The following FAM110A variants were observed in gnomAD, a reference collection of about 807,000 sequenced individuals.
FAM110A encodes the protein family with sequence similarity 110 member A.
A neutral mutation model predicts 4.0 loss-of-function variants in FAM110A; 1 was observed. The ratio of observed to expected loss-of-function variants is 0.25; its 90% CI spans 0.09 to 1.20. FAM110A has a LOEUF of 1.20. Among genes scored for constraint, FAM110A ranks in the 50% most tolerant of loss-of-function variants. The probability of loss-of-function intolerance (pLI) is 0.50; values close to 1 mark genes in which losing one functional copy is unlikely to be tolerated. For synonymous variants in FAM110A, 217 were observed against 196.8 expected, an observed-to-expected ratio of 1.10 and a Z score of -0.86; for missense variants, 436 against 429.2, an observed-to-expected ratio of 1.02 and a Z score of -0.14.
chr20:843,999 G>A (rs184225012), intron 1 of FAM110A, among the ~76,000 whole-genome samples: 5 of 152,348 alleles, frequency 3.3e-5, no homozygotes, highest in Admixed American at 3.3e-4. Flanking sequence ...GGAAGCTGAC[G>A]GATGTCTGGA....
chr20:839,194 G>T (rs1258454879), intron 1 of FAM110A, among the ~76,000 whole-genome samples: 2 of 152,094 alleles, frequency 1.3e-5, no homozygotes, highest in African/African-American at 2.4e-5. Context: ...GTGAGCCTGG[G>T]TTCCAATCCT....
At chr20:837,060 T>G (rs1006129036) in intron 1 of FAM110A, among the ~76,000 whole-genome samples, 4 of 144,366 alleles carry the variant, frequency 2.8e-5, no homozygotes, top group African/African-American at 7.7e-5. Flanking sequence ...TTTTTTTTTT[T>G]TTTTTTTTTG....
chr20:844,939 C>T lies in FAM110A; in HGVS notation c.135C>T (p.Arg45=), dbSNP rs1251787394. The T allele has an allele frequency of 6.3e-7, 1 of 1,586,188 alleles. No individual in the cohort carries two copies. Among genetic ancestry groups the T allele is most frequent in the Non-Finnish European group, 8.6e-7 (1 of 1,167,180 alleles). Residue 45 remains arginine (R), a synonymous_variant, in exon 2 of 2, where the codon CGC becomes CGT. Coordinates refer to ENST00000381941, the MANE Select transcript of FAM110A (RefSeq NM_001042353.3). ...GGARKPSAVE[R]LEADKAKYVK... is the part of the protein sequence containing the mutation. ...CCCGGAAACCGAGCGCTGTGGAGCG[C>T]CTGGAGGCCGACAAGGCCAAGTACG... is the stretch of plus-strand genomic sequence containing the variant.
At position 845,606 on chromosome 20, in the gene FAM110A, G is replaced by A. The variant is rs772603265; in HGVS notation, c.802G>A (p.Val268Met). ...GGCCCGGGAGCGCGTTCCCTATGGC[G>A]TGTCGGTGGTGGAGCGCAATGCCCG... is the stretch of plus-strand genomic sequence containing the variant. ...ERARERVPYG[V>M]SVVERNARVI... The change falls in exon 2 of 2, where the codon GTG becomes ATG. Residue 268 changes from valine (V) to methionine (M), a missense_variant. Val to Met is a conservative substitution (Grantham distance 21). Coordinates refer to ENST00000381941, the MANE Select transcript of FAM110A (RefSeq NM_001042353.3). The A allele has an allele frequency of 1.1e-5, 17 of 1,613,990 alleles. No homozygotes were observed. The highest frequency in any genetic ancestry group is 1.4e-5 in the Non-Finnish European group (17 of 1,180,042).
rs1979819771 is a variant in FAM110A, at chr20:840,342, A to C, written c.-97-4366A>C. Among the ~76,000 whole-genome samples, 1 of 151,686 alleles carries C rather than the reference A, an allele frequency of 6.6e-6. No homozygotes were observed. Among genetic ancestry groups the C allele is most frequent in the Non-Finnish European group, 1.5e-5 (1 of 67,886 alleles). On this transcript the variant is annotated intron_variant, in intron 1 of 1. Transcript: ENST00000381941. The surrounding 1 kb of genome is among the most constrained non-coding windows in gnomAD (Gnocchi z 4.4). Reference sequence around the variant, plus strand: ...AGCCTCTTCAGCCTGAGTGTGGCAGAGGGCTGGGGCTGAGGCCTGGGGGAC... The same window carrying C: ...AGCCTCTTCAGCCTGAGTGTGGCAGCGGGCTGGGGCTGAGGCCTGGGGGAC...
chr20:839,796 T>C, intron 1 of FAM110A: 1 of 1,558,726 alleles, frequency 6.4e-7, no homozygotes, highest in Non-Finnish European at 8.8e-7. Flanking sequence ...CCAGGCAAAC[T>C]GTTCCTTCAC....
chr20:841,342 GCCCAGCCGGGGTA>G (rs1979892740), intron 1 of FAM110A: 1 of 152,446 alleles, frequency 6.6e-6, no homozygotes, highest in Non-Finnish European at 1.5e-5. Context: ...GGCGGGGGGC[GCCCAGCCGGGGTA>G]GGGGGCGGCC....
At chr20:837,236 A>G (rs1013654188) in intron 1 of FAM110A, among the ~76,000 whole-genome samples, 1 of 151,862 alleles carries the variant, frequency 6.6e-6, no homozygotes, top group African/African-American at 2.4e-5. Context: ...TATTTTTAGT[A>G]GAGACGGGGT....
At chr20:842,383 G>C (rs1005553991) in intron 1 of FAM110A, among the ~76,000 whole-genome samples, 2 of 152,208 alleles carry the variant, frequency 1.3e-5, no homozygotes, top group Non-Finnish European at 2.9e-5. Context: ...CTCTTTATCC[G>C]GATGGTGCCC....
rs1422553490 is a variant in FAM110A at position 834,698 on chromosome 20, T to G, written c.-98+747T>G. Reference sequence around the variant, plus strand: ...CGGAGGTTCTAAGAAGTTAAGCCCCTTTTCGAAGTCACAGTCAGACAATGC... The same window carrying G: ...CGGAGGTTCTAAGAAGTTAAGCCCCGTTTCGAAGTCACAGTCAGACAATGC... On this transcript the variant is annotated intron_variant, in intron 1 of 1. Coordinates refer to ENST00000381941, the MANE Select transcript of FAM110A (RefSeq NM_001042353.3). This position sits in a 1 kb window ranked among gnomAD's most constrained non-coding sequence, Gnocchi z 5.6. Among the ~76,000 whole-genome samples the G allele has an allele frequency of 6.6e-6, 1 of 152,186 alleles. No individual in the cohort carries two copies. The highest frequency in any genetic ancestry group is 1.5e-5 in the Non-Finnish European group (1 of 68,040).
intron 1 of FAM110A, among the ~76,000 whole-genome samples, chr20:844,316 C>T (rs1032281836): frequency 3.9e-5 from 6 of 152,354 alleles, no homozygotes; most frequent in African/African-American, 1.4e-4. Flanking sequence ...GCTTCAGTTT[C>T]TCCATCCAAA....
chr20:844,785 C>T lies in FAM110A; in HGVS notation c.-20C>T, dbSNP rs1447765336. On this transcript the variant is annotated 5_prime_UTR_variant, in exon 2 of 2. Transcript: ENST00000381941. ...CTCTCCGGTCTCCGCAGACTAAAGCCCTCGGGATATGCAGCAGCCATGCCT... is the reference window on the plus strand; with the variant it reads ...CTCTCCGGTCTCCGCAGACTAAAGCTCTCGGGATATGCAGCAGCCATGCCT... 4.9e-6 allele frequency: 7 copies of T among 1,437,386 alleles called. No individual in the cohort carries two copies. Among genetic ancestry groups the T allele is most frequent in the Admixed American group, 2.8e-5 (1 of 35,130 alleles). 89.0% of individuals were successfully genotyped at this position (1,437,386 alleles called of 1,614,324 possible).
chr20:839,924 C>G, intron 1 of FAM110A: 1 of 1,579,470 alleles, frequency 6.3e-7, no homozygotes, highest in African/African-American at 1.3e-5. Context: ...CCATGACTCC[C>G]TCCTTAAAAA....
At chr20:844,676 T>C (rs75434277) in intron 1 of FAM110A, 32 bp from the exon 2 acceptor site, 754 of 274,562 alleles carry the variant, frequency 2.7e-3, no homozygotes, top group Non-Finnish European at 3.7e-3. Flanking sequence ...CGCGCTCGGC[T>C]TTTTTTTTTT....
chr20:835,186 C>A (rs866485447), intron 1 of FAM110A, among the ~76,000 whole-genome samples: 1 of 136,196 alleles, frequency 7.3e-6, no homozygotes, highest in African/African-American at 2.7e-5. Context: ...CTCTCTCTCT[C>A]TCTCTCTCTC....
Position 840,837 on chromosome 20 carries a change from C to T in FAM110A, c.-97-3871C>T, listed in dbSNP as rs2122674711. Among the ~76,000 whole-genome samples, 1 of 152,324 alleles carries T rather than the reference C, an allele frequency of 6.6e-6. No homozygotes were observed. Among genetic ancestry groups the T allele is most frequent in the South Asian group, 2.1e-4 (1 of 4,830 alleles). On this transcript the variant is annotated intron_variant, in intron 1 of 1. Transcript: ENST00000381941. The surrounding 1 kb of genome is among the most constrained non-coding windows in gnomAD (Gnocchi z 4.4). ...TCAGCCTCTCTCAGCCTCAGTTTAC[C>T]ATTAGTCAAATGGGGTAACAATAGA... is the stretch of plus-strand genomic sequence containing the variant.
intron 1 of FAM110A, chr20:839,758 C>T (rs1336330855): frequency 1.5e-5 from 22 of 1,427,602 alleles, no homozygotes; most frequent in East Asian, 2.3e-5. Context: ...TGGCTACCCT[C>T]ATTGGTAAGG....
Position 845,845 on chromosome 20 carries a change from C to T in FAM110A, c.*153C>T. 1 of 1,442,090 alleles carries T rather than the reference C, an allele frequency of 6.9e-7. No individual in the cohort carries two copies. Among genetic ancestry groups the T allele is most frequent in the Non-Finnish European group, 9.2e-7 (1 of 1,089,218 alleles). The allele number at this position is 1,442,090 out of a possible 1,614,324, so 89.3% of individuals were successfully genotyped here. On this transcript the variant is annotated 3_prime_UTR_variant, in exon 2 of 2. Coordinates refer to ENST00000381941, the MANE Select transcript of FAM110A (RefSeq NM_001042353.3). ...GGCAAAGGCTTAGAGGCTGGACCAG[C>T]ATTGTTGGGCAAGGACTGACTCTCC...
At chr20:839,080 C>T (rs1007745035) in intron 1 of FAM110A, among the ~76,000 whole-genome samples, 49 of 152,160 alleles carry the variant, frequency 3.2e-4, no homozygotes, top group African/African-American at 9.2e-4. Context: ...GGGGTCCAGC[C>T]GACGAGGCAG....
Sources: gnomAD v4.1 joint callset for allele counts (sites outside exome capture counted in the v4.1 genomes callset) on GRCh38, gnomAD v4.1.1 for gene constraint, Gnocchi (gnomAD v3.1) non-coding constraint, MANE v1.5 for transcripts, NCBI Gene and HGNC (gene_info 2026-07-23, HGNC 2026-07-21) for gene names.